Variants in HIVEP1 observed in about 807,000 individuals in gnomAD.
HIVEP1 encodes zinc finger protein 40.
Under a neutral mutation model 180.0 loss-of-function variants are expected in HIVEP1, and 36 were observed. That is an observed-to-expected ratio of 0.20 (90% CI 0.15 to 0.26). The LOEUF is 0.26. Among genes scored for constraint, HIVEP1 ranks in the 10% least tolerant of loss-of-function variants. HIVEP1 has a pLI of 1.00. For missense variants in HIVEP1, 3,143 were observed against 3,268.7 expected (o/e 0.96, Z 0.94); for synonymous variants, 1,239 against 1,239.0 (o/e 1.00, Z 0.00).
chr6:12,072,048 A>C (rs922107904), intron 2 of HIVEP1, among the ~76,000 whole-genome samples: 2 of 150,840 alleles, frequency 1.3e-5, no homozygotes, highest in African/African-American at 2.4e-5. Flanking sequence ...GATTTTGTGG[A>C]CCTCATAGTC....
chr6:12,150,533 G>A (rs1759642076), intron 7 of HIVEP1, among the ~76,000 whole-genome samples: 1 of 152,114 alleles, frequency 6.6e-6, no homozygotes, highest in Admixed American at 6.5e-5. Flanking sequence ...AAAATTACTA[G>A]CAAAGCTTTT....
At chr6:12,188,780 T>C in the HIVEP1 span, among the ~76,000 whole-genome samples, 1 of 152,074 alleles carries the variant, frequency 6.6e-6, no homozygotes, top group South Asian at 2.1e-4. Context: ...TAAAATTAAA[T>C]CACAAGTTTA....
chr6:12,066,866 C>CTGTGTGTG lies in HIVEP1; in HGVS notation c.41-22308_41-22301dup, dbSNP rs10650946. Among the ~76,000 whole-genome samples, 6 of 148,718 alleles carry CTGTGTGTG rather than the reference C, an allele frequency of 4.0e-5. No individual in the cohort carries two copies. In the East Asian group the frequency reaches 6.0e-4, roughly 15 times the overall value. ...GGTGGATATATTTCAAACAAAGACA[C>CTGTGTGTG]TGTGTGTGTGTGTGTGTATATATAT... On this transcript the variant is annotated intron_variant, in intron 2 of 8. Coordinates refer to ENST00000379388, the MANE Select transcript of HIVEP1 (RefSeq NM_002114.4).
chr6:12,100,160 A>G (rs567966018), intron 3 of HIVEP1, among the ~76,000 whole-genome samples: 1 of 152,220 alleles, frequency 6.6e-6, no homozygotes, highest in Admixed American at 6.5e-5. Context: ...AGAAATGTTA[A>G]TCAAGGGGAG....
At chr6:12,167,656 T>TG (rs1196803171), downstream of HIVEP1, among the ~76,000 whole-genome samples, 1 of 109,026 alleles carries the variant, frequency 9.2e-6, no homozygotes, top group Non-Finnish European at 2.0e-5. Context: ...CATATATATG[T>TG]TATATATACA....
Position 12,164,995 on chromosome 6 carries a change from CTT to C in HIVEP1, c.*536_*537del, listed in dbSNP as rs1310092451. On this transcript the variant is annotated 3_prime_UTR_variant, in exon 9 of 9. Transcript: ENST00000379388. ...GTTTCAGTAAAATATTGTTTACTGACTTTACCATTGCTTCAGTTGTGCCTTCT... is the reference window on the plus strand; with the variant it reads ...GTTTCAGTAAAATATTGTTTACTGACTACCATTGCTTCAGTTGTGCCTTCT... 5.3e-6 allele frequency: 2 copies of C among 374,614 alleles called. No individual in the cohort carries two copies. The highest frequency in any genetic ancestry group is 2.2e-5 in the South Asian group (1 of 45,678). The allele number at this position is 374,614 out of a possible 1,614,324, so 23.2% of individuals were successfully genotyped here. A position where few individuals can be genotyped will look rare whatever the true frequency, so the allele number is the denominator to read the frequency against.
At chr6:12,017,683 C>T (rs548983868) in intron 2 of HIVEP1, among the ~76,000 whole-genome samples, 1 of 152,340 alleles carries the variant, frequency 6.6e-6, no homozygotes, top group African/African-American at 2.4e-5. Flanking sequence ...GGTGTGTTTA[C>T]AATCCCTGAG....
intron 2 of HIVEP1, among the ~76,000 whole-genome samples, chr6:12,047,360 A>C: frequency 6.6e-6 from 1 of 152,310 alleles, no homozygotes; most frequent in East Asian, 1.9e-4. Context: ...GACTGGAGAC[A>C]TTTTGTCAGT....
At chr6:12,179,640 C>CT in the HIVEP1 span, among the ~76,000 whole-genome samples, 2 of 152,176 alleles carry the variant, frequency 1.3e-5, no homozygotes, top group Non-Finnish European at 2.9e-5. Context: ...TGCTCTCCTG[C>CT]TTTTACCATT....
intron 3 of HIVEP1, among the ~76,000 whole-genome samples, chr6:12,117,322 G>A (rs2327514): frequency 0.077 from 11,693 of 152,242 alleles, 646 homozygotes; most frequent in Non-Finnish European, 0.12. Flanking sequence ...TATAAGCTTT[G>A]ACAAATGAGA....
chr6:12,104,737 C>G (rs1774328687), intron 3 of HIVEP1, among the ~76,000 whole-genome samples: 1 of 152,088 alleles, frequency 6.6e-6, no homozygotes, highest in African/African-American at 2.4e-5. Flanking sequence ...CACCTAGCAA[C>G]TGTCTTTTTC....
intron 2 of HIVEP1, among the ~76,000 whole-genome samples, chr6:12,050,754 C>G (rs563783424): frequency 6.6e-6 from 1 of 152,076 alleles, no homozygotes; most frequent in South Asian, 2.1e-4. Flanking sequence ...CTTTCTAGCC[C>G]TTGGCCTGGT....
chr6:12,185,740 C>A, the HIVEP1 span, among the ~76,000 whole-genome samples: 1 of 152,082 alleles, frequency 6.6e-6, no homozygotes, highest in African/African-American at 2.4e-5. Context: ...ACACCAGTGG[C>A]CTATGTACCA....
At chr6:12,087,768 T>A (rs1773202513) in intron 2 of HIVEP1, among the ~76,000 whole-genome samples, 1 of 152,138 alleles carries the variant, frequency 6.6e-6, no homozygotes, top group Non-Finnish European at 1.5e-5. Flanking sequence ...TATTTCAACT[T>A]CACTCATCGT....
the HIVEP1 span, among the ~76,000 whole-genome samples, chr6:12,196,297 G>A: frequency 1.3e-5 from 2 of 152,130 alleles, no homozygotes; most frequent in East Asian, 3.8e-4. Flanking sequence ...TGATGTCAAT[G>A]GAATTCCAAT....
At chr6:12,072,460 G>A (rs1324229430) in intron 2 of HIVEP1, among the ~76,000 whole-genome samples, 1 of 151,912 alleles carries the variant, frequency 6.6e-6, no homozygotes, top group Non-Finnish European at 1.5e-5. Context: ...GCTGTGATAG[G>A]TCTATGTGTA....
At chr6:12,023,741 TTC>T (rs957360250) in intron 2 of HIVEP1, among the ~76,000 whole-genome samples, 21 of 152,210 alleles carry the variant, frequency 1.4e-4, no homozygotes, top group African/African-American at 5.1e-4. Flanking sequence ...AGCCAAATGC[TTC>T]TTTTTAAAAG....
chr6:12,131,308 C>T (rs749037658), intron 6 of HIVEP1, among the ~76,000 whole-genome samples: 2 of 151,838 alleles, frequency 1.3e-5, no homozygotes, highest in African/African-American at 2.4e-5. Context: ...CAAGTAAATT[C>T]GCTGGGTGCT....
intron 2 of HIVEP1, among the ~76,000 whole-genome samples, chr6:12,079,953 T>C (rs1472377241): frequency 6.6e-6 from 1 of 151,960 alleles, no homozygotes; most frequent in African/African-American, 2.4e-5. Flanking sequence ...TCTATCTATC[T>C]ATCTATCTAT....
Sources: gnomAD v4.1 joint callset for allele counts (sites outside exome capture counted in the v4.1 genomes callset) on GRCh38, gnomAD v4.1.1 for gene constraint, MANE v1.5 for transcripts, NCBI Gene and HGNC (gene_info 2026-07-23, HGNC 2026-07-21) for gene names.